The following SPATA9 variants were observed in gnomAD, a reference collection of about 807,000 sequenced individuals.
SPATA9 encodes spermatogenesis associated 9.
A neutral mutation model predicts 25.5 loss-of-function variants in SPATA9; 27 were observed. The observed-to-expected ratio is 1.06, with a 90% CI of 0.78 to 1.46. The LOEUF (loss-of-function observed/expected upper bound fraction) is 1.46, where lower values mean the gene tolerates loss of function less well. SPATA9 is among the 40% of genes most tolerant of loss of function. The pLI is 0.00. For synonymous variants in SPATA9, 102 were observed against 105.7 expected, an observed-to-expected ratio of 0.97 and a Z score of 0.21; for missense variants, 282 against 297.5, an observed-to-expected ratio of 0.95 and a Z score of 0.38.
At chr5:95,663,496 T>C (rs1191563483) in intron 4 of SPATA9, among the ~76,000 whole-genome samples, 1 of 152,164 alleles carries the variant, frequency 6.6e-6, no homozygotes, top group African/African-American at 2.4e-5. Context: ...GTTACAGTTT[T>C]TTTAAGTGGC....
intron 3 of SPATA9, among the ~76,000 whole-genome samples, chr5:95,669,917 C>A (rs1396088418): frequency 1.3e-5 from 2 of 152,160 alleles, no homozygotes; most frequent in Non-Finnish European, 2.9e-5. Flanking sequence ...ACTGCAGTCT[C>A]ATTCCTGCAG....
downstream of SPATA9, chr5:95,656,236 C>T (rs768237751): frequency 1.2e-6 from 2 of 1,613,460 alleles, no homozygotes; most frequent in African/African-American, 1.3e-5. Flanking sequence ...GTGACTCTTT[C>T]TAATGAACCT....
At chr5:95,713,907 C>T in the SPATA9 span, among the ~76,000 whole-genome samples, 1 of 151,996 alleles carries the variant, frequency 6.6e-6, no homozygotes, top group East Asian at 1.9e-4. Context: ...CACACAAATA[C>T]ACATGTGCAT....
the SPATA9 span, chr5:95,732,101 G>T: frequency 6.2e-7 from 1 of 1,607,210 alleles, no homozygotes; most frequent in Non-Finnish European, 8.5e-7. Flanking sequence ...AAGAGCAGCT[G>T]CTCCGCGCTG....
At chr5:95,683,769 C>A (rs982669485), upstream of SPATA9, among the ~76,000 whole-genome samples, 1 of 152,082 alleles carries the variant, frequency 6.6e-6, no homozygotes, top group African/African-American at 2.4e-5. Flanking sequence ...CATCTCCTGA[C>A]CTCATGATCC....
Position 95,671,931 on chromosome 5 carries a change from A to C in SPATA9, c.378+3481T>G, listed in dbSNP as rs1008212888. 5.3e-5 allele frequency among the ~76,000 whole-genome samples: 8 copies of C among 150,830 alleles called. No individual in the cohort carries two copies. In the East Asian group the frequency reaches 7.8e-4, roughly 15 times the overall value. On this transcript the variant is annotated intron_variant, in intron 3 of 4. Coordinates refer to ENST00000274432, the MANE Select transcript of SPATA9 (RefSeq NM_031952.4). ...GTATAATTAAAAAAAGTAAAAAAAA[A>C]CCAGAAATGCTATAAAAATGAAGTT...
chr5:95,655,021 C>T (rs1464598077), downstream of SPATA9, among the ~76,000 whole-genome samples: 2 of 152,148 alleles, frequency 1.3e-5, no homozygotes, highest in African/African-American at 4.8e-5. Flanking sequence ...AAACTAGTCA[C>T]CTAATTTCTT....
At chr5:95,700,653 C>G (rs1204864164), upstream of SPATA9, among the ~76,000 whole-genome samples, 1 of 152,034 alleles carries the variant, frequency 6.6e-6, no homozygotes, top group East Asian at 1.9e-4. Context: ...GTCTCAAACT[C>G]CTGGCCTCAG....
At chr5:95,681,963 T>G (rs1393715902) in intron 2 of SPATA9, among the ~76,000 whole-genome samples, 1 of 152,220 alleles carries the variant, frequency 6.6e-6, no homozygotes, top group Admixed American at 6.5e-5. Flanking sequence ...ATGTGTTCCC[T>G]AAACAAGTTG....
the SPATA9 span, among the ~76,000 whole-genome samples, chr5:95,729,539 TGTTTA>T: frequency 6.6e-6 from 1 of 152,234 alleles, no homozygotes; most frequent in South Asian, 2.1e-4. Flanking sequence ...CACGCTCTAG[TGTTTA>T]GTTAACAATG....
intron 3 of SPATA9, among the ~76,000 whole-genome samples, chr5:95,666,948 A>T (rs1751868499): frequency 6.6e-6 from 1 of 152,220 alleles, no homozygotes; most frequent in Non-Finnish European, 1.5e-5. Context: ...GTTATGATTT[A>T]GTTATGTGGC....
the SPATA9 span, among the ~76,000 whole-genome samples, chr5:95,721,322 A>G: frequency 6.6e-6 from 1 of 152,192 alleles, no homozygotes; most frequent in African/African-American, 2.4e-5. Context: ...AGAAAGGTCT[A>G]AGTGTCTTTT....
chr5:95,708,511 T>C, the SPATA9 span: 8 of 692,310 alleles, frequency 1.2e-5, no homozygotes, highest in Admixed American at 1.0e-4. Context: ...TCCCCCAAAG[T>C]AGGTGGCTAA....
upstream of SPATA9, among the ~76,000 whole-genome samples, chr5:95,683,609 C>T (rs1235745490): frequency 1.3e-5 from 2 of 152,150 alleles, no homozygotes; most frequent in African/African-American, 4.8e-5. Context: ...GCGATCTTGG[C>T]TCACTGCAAC....
intron 1 of SPATA9, among the ~76,000 whole-genome samples, chr5:95,697,130 A>G (rs1754043293): frequency 6.6e-6 from 1 of 152,228 alleles, no homozygotes; most frequent in African/African-American, 2.4e-5. Context: ...TAAGGAATTT[A>G]AGAGTGGCTT....
chr5:95,660,145 G>A (rs1446617483), intron 4 of SPATA9, among the ~76,000 whole-genome samples: 2 of 152,102 alleles, frequency 1.3e-5, no homozygotes, highest in East Asian at 1.9e-4. Flanking sequence ...TGGGAAATCC[G>A]AGATCAAGGC....
chr5:95,656,719 A>G (rs187089981), downstream of SPATA9: 1 of 156,702 alleles, frequency 6.4e-6, no homozygotes, highest in African/African-American at 2.4e-5. Flanking sequence ...TTTAGTATAT[A>G]CAAAGTAAAC....
chr5:95,729,204 G>C, the SPATA9 span, among the ~76,000 whole-genome samples: 2 of 152,144 alleles, frequency 1.3e-5, no homozygotes, highest in African/African-American at 2.4e-5. Context: ...TTCACTTTAT[G>C]GACTTGCCCT....
At chr5:95,699,014 G>A (rs1754111269), upstream of SPATA9, among the ~76,000 whole-genome samples, 1 of 152,198 alleles carries the variant, frequency 6.6e-6, no homozygotes, top group South Asian at 2.1e-4. Context: ...CAGGCTTGAA[G>A]GTCAGTGGGA....
Sources: allele counts gnomAD v4.1 joint callset (sites outside exome capture counted in the v4.1 genomes callset), GRCh38; gene constraint gnomAD v4.1.1; transcripts MANE v1.5; gene names NCBI Gene and HGNC (gene_info 2026-07-23, HGNC 2026-07-21).